The following PTPRD variants were observed in gnomAD, a reference collection of about 807,000 sequenced individuals.
PTPRD encodes receptor-type tyrosine-protein phosphatase delta.
Under a neutral mutation model 214.5 loss-of-function variants are expected in PTPRD, and 34 were observed. The ratio of observed to expected loss-of-function variants is 0.16; its 90% CI spans 0.12 to 0.21. PTPRD has a LOEUF of 0.21. Among genes scored for constraint, PTPRD ranks in the 10% least tolerant of loss-of-function variants. The probability of loss-of-function intolerance (pLI) is 1.00; values close to 1 mark genes in which losing one functional copy is unlikely to be tolerated. For missense variants in PTPRD, 2,545 were observed against 2,398.7 expected (o/e 1.06, Z -1.27); for synonymous variants, 1,128 against 845.7 (o/e 1.33, Z -5.79).
chr9:8,330,196 T>A lies in PTPRD; in HGVS notation c.5534+1386A>T, dbSNP rs147388207. Among the ~76,000 whole-genome samples, 532 of 152,250 alleles carry A rather than the reference T, an allele frequency of 3.5e-3. 4 individuals are homozygous for A. Among genetic ancestry groups the A allele is most frequent in the African/African-American group, 0.012 (496 of 41,564 alleles). On this transcript the variant is annotated intron_variant, in intron 44 of 45. Coordinates refer to ENST00000381196, the MANE Select transcript of PTPRD (RefSeq NM_002839.4). ...ACACCCTGCTTTAGCTCACCCTTTG[T>A]GGGCTGCACCCACTGTCCAACCAGT...
At chr9:10,561,929 C>T (rs544446561) in intron 2 of PTPRD, among the ~76,000 whole-genome samples, 1 of 152,194 alleles carries the variant, frequency 6.6e-6, no homozygotes, top group East Asian at 1.9e-4. Flanking sequence ...TTTCAGAGGT[C>T]AATTAATGCC....
intron 7 of PTPRD, among the ~76,000 whole-genome samples, chr9:9,588,879 G>A (rs550096481): frequency 1.1e-4 from 17 of 151,994 alleles, no homozygotes; most frequent in Admixed American, 3.9e-4. Context: ...TATTCTTATA[G>A]TTGGGTTCAA....
intron 4 of PTPRD, among the ~76,000 whole-genome samples, chr9:9,965,311 A>G (rs2094608074): frequency 6.6e-6 from 1 of 152,172 alleles, no homozygotes; most frequent in African/African-American, 2.4e-5. Context: ...CAAGGCTTCT[A>G]AGAAGAAACA....
At chr9:10,004,117 A>G (rs1230577424) in intron 4 of PTPRD, among the ~76,000 whole-genome samples, 1 of 151,960 alleles carries the variant, frequency 6.6e-6, no homozygotes, top group Non-Finnish European at 1.5e-5. Context: ...GTGGCTACAA[A>G]AAAGAAAAGA....
At chr9:10,435,729 C>A (rs552827318) in intron 2 of PTPRD, among the ~76,000 whole-genome samples, 4 of 151,762 alleles carry the variant, frequency 2.6e-5, no homozygotes, top group Non-Finnish European at 4.4e-5. Flanking sequence ...GTTTTATTAT[C>A]CTGTATAATT....
intron 9 of PTPRD, among the ~76,000 whole-genome samples, chr9:9,217,899 T>C (rs9650713): frequency 0.35 from 52,644 of 152,018 alleles, 9,949 homozygotes; most frequent in Middle Eastern, 0.47. Context: ...CTCTCTTACA[T>C]AATTAATACA....
intron 8 of PTPRD, among the ~76,000 whole-genome samples, chr9:9,526,967 G>A (rs1030712435): frequency 5.9e-5 from 9 of 152,110 alleles, no homozygotes; most frequent in Non-Finnish European, 1.2e-4. Context: ...ATTTCAAGAT[G>A]TATAAGGTCA....
At chr9:9,300,413 C>A (rs956010520) in intron 9 of PTPRD, among the ~76,000 whole-genome samples, 1 of 151,688 alleles carries the variant, frequency 6.6e-6, no homozygotes, top group Admixed American at 6.6e-5. Flanking sequence ...TTTTAGACAG[C>A]GCCTCTTCAT....
chr9:9,761,954 C>A (rs940177952), intron 6 of PTPRD, among the ~76,000 whole-genome samples: 1 of 152,106 alleles, frequency 6.6e-6, no homozygotes, highest in African/African-American at 2.4e-5. Context: ...GCTGGCTTAA[C>A]AAAATACCAA....
intron 9 of PTPRD, among the ~76,000 whole-genome samples, chr9:9,333,475 T>C (rs568148405): frequency 7.2e-6 from 1 of 138,672 alleles, no homozygotes; most frequent in South Asian, 2.2e-4. Context: ...TATATAAATA[T>C]ATATAAAACA....
intron 37 of PTPRD, among the ~76,000 whole-genome samples, chr9:8,385,532 G>A (rs752748755): frequency 3.9e-5 from 6 of 152,032 alleles, no homozygotes; most frequent in Non-Finnish European, 8.8e-5. Context: ...AAACAAAAAC[G>A]AGTGAACCAG....
intron 3 of PTPRD, among the ~76,000 whole-genome samples, chr9:10,099,306 C>A (rs565875244): frequency 6.0e-4 from 91 of 151,626 alleles, no homozygotes; most frequent in African/African-American, 1.8e-3. Context: ...TTTTTTTCAC[C>A]TGTAAAATCG....
At chr9:9,839,948 T>C (rs2057870509) in intron 5 of PTPRD, among the ~76,000 whole-genome samples, 1 of 152,142 alleles carries the variant, frequency 6.6e-6, no homozygotes, top group African/African-American at 2.4e-5. Flanking sequence ...AATTTGTATA[T>C]ATAAATAGTA....
At chr9:9,941,543 G>A (rs757268409) in intron 4 of PTPRD, among the ~76,000 whole-genome samples, 3 of 152,232 alleles carry the variant, frequency 2.0e-5, no homozygotes, top group East Asian at 1.9e-4. Context: ...GGCTGTTCTT[G>A]AACTCCTGAC....
chr9:10,368,140 T>C (rs1440004040), intron 2 of PTPRD, among the ~76,000 whole-genome samples: 1 of 152,108 alleles, frequency 6.6e-6, no homozygotes, highest in Non-Finnish European at 1.5e-5. Flanking sequence ...CTTTGACACA[T>C]ATTGGTAAGT....
chr9:9,013,489 T>C lies in PTPRD; in HGVS notation c.-104+5208A>G, dbSNP rs1267817041. Among the ~76,000 whole-genome samples the C allele has an allele frequency of 2.0e-5, 3 of 152,162 alleles. No individual in the cohort carries two copies. In the East Asian group the frequency reaches 5.8e-4, roughly 29 times the overall value. On this transcript the variant is annotated intron_variant, in intron 11 of 45. Coordinates refer to ENST00000381196, the MANE Select transcript of PTPRD (RefSeq NM_002839.4). ...TCCATGTTTAACAAATAGTGTTTTT[T>C]TGTGTGTTTGTTTGTTTTCTTTTGC...
chr9:8,536,827 C>G (rs1180303615), intron 14 of PTPRD, among the ~76,000 whole-genome samples: 1 of 151,938 alleles, frequency 6.6e-6, no homozygotes, highest in Non-Finnish European at 1.5e-5. Flanking sequence ...AATGACTACT[C>G]CAAAGCTTTA....
chr9:9,631,510 T>C (rs1593560743), intron 7 of PTPRD, among the ~76,000 whole-genome samples: 2 of 152,166 alleles, frequency 1.3e-5, no homozygotes, highest in Non-Finnish European at 2.9e-5. Context: ...TTATTCAAAG[T>C]ATAGGGCCTT....
rs188243659 is a variant in PTPRD, at chr9:9,135,895, T to C, written c.-143+47409A>G. Among the ~76,000 whole-genome samples, 179 of 152,176 alleles carry C rather than the reference T, an allele frequency of 1.2e-3. 1 individual carries two copies. The highest frequency in any genetic ancestry group is 3.1e-3 in the South Asian group (15 of 4,820). On this transcript the variant is annotated intron_variant, in intron 10 of 45. Coordinates refer to ENST00000381196, the MANE Select transcript of PTPRD (RefSeq NM_002839.4). Reference sequence around the variant, plus strand: ...TTCTTCAAAAGTTGAGCAGGCATTTTGGAATAAGCTCATTAGTTTATGACA... The same window carrying C: ...TTCTTCAAAAGTTGAGCAGGCATTTCGGAATAAGCTCATTAGTTTATGACA...
Sources: allele counts gnomAD v4.1 joint callset (sites outside exome capture counted in the v4.1 genomes callset), GRCh38; gene constraint gnomAD v4.1.1; transcripts MANE v1.5; gene names NCBI Gene and HGNC (gene_info 2026-07-23, HGNC 2026-07-21).